SLC5A5: variants seen among roughly 807,000 people sequenced by gnomAD.
SLC5A5 encodes the protein solute carrier family 5 member 5, also known as sodium/iodide cotransporter.
A neutral mutation model predicts 68.6 loss-of-function variants in SLC5A5; 56 were observed. That is an observed-to-expected ratio of 0.82 (90% CI 0.66 to 1.02). The LOEUF is 1.02. SLC5A5 is among the 50% of genes least tolerant of loss of function. The pLI is 0.00. For synonymous variants in SLC5A5, 398 were observed against 373.0 expected, an observed-to-expected ratio of 1.07 and a Z score of -0.77; for missense variants, 807 against 859.8, an observed-to-expected ratio of 0.94 and a Z score of 0.77.
intron 4 of SLC5A5, 75 bp downstream of exon 4, chr19:17,874,806 GC>G: frequency 7.0e-7 from 1 of 1,437,528 alleles, no homozygotes; most frequent in Non-Finnish European, 9.7e-7. Flanking sequence ...CTCTGGGCTT[GC>G]CCCTTTCTCC....
Position 17,877,725 on chromosome 19 carries a change from T to G in SLC5A5, c.701T>G (p.Phe234Cys), listed in dbSNP as rs1334791684. 6.2e-7 allele frequency: 1 copy of G among 1,614,078 alleles called. No homozygotes were observed. Among genetic ancestry groups the G allele is most frequent in the South Asian group, 1.1e-5 (1 of 91,076 alleles). Reference protein sequence around the residue: ...QNHSRINLMDFNPDPRSRYTF... With the variant: ...QNHSRINLMDCNPDPRSRYTF... ...TAACTTGCCCTGTCCCCACCCAGCTTTAACCCTGACCCGAGGAGCCGCTAT... is the reference window on the plus strand; with the variant it reads ...TAACTTGCCCTGTCCCCACCCAGCTGTAACCCTGACCCGAGGAGCCGCTAT... The change falls in exon 6 of 15, where the codon TTT (phenylalanine) becomes TGT (cysteine). Residue 234 changes from phenylalanine (F) to cysteine (C), a missense_variant and splice_region_variant. Coordinates refer to ENST00000222248, the MANE Select transcript of SLC5A5 (RefSeq NM_000453.3).
In SLC5A5 at chr19:17,884,062, G is replaced by C; in HGVS notation, c.1526+16G>C. 1.3e-6 allele frequency: 2 copies of C among 1,547,576 alleles called. No homozygotes were observed. Among genetic ancestry groups the C allele is most frequent in the Non-Finnish European group, 1.7e-6 (2 of 1,148,652 alleles). On this transcript the variant is annotated intron_variant, in intron 12 of 14. Coordinates refer to ENST00000222248, the MANE Select transcript of SLC5A5 (RefSeq NM_000453.3). ...GGGCCCCCAGGTGAGCAGACTTGAG[G>C]GTAGGGGGGTACCCGAGCCCTGGAT...
rs1238963410 is a variant in SLC5A5 at position 17,894,877 on chromosome 19, G to T, written c.*1000G>T. The T allele has an allele frequency of 6.6e-6, 1 of 152,198 alleles. No individual in the cohort carries two copies. The highest frequency in any genetic ancestry group is 2.4e-5 in the African/African-American group (1 of 41,434). The allele number at this position is 152,198 out of a possible 1,614,324, so 9.4% of individuals were successfully genotyped here. On this transcript the variant is annotated 3_prime_UTR_variant, in exon 15 of 15. Transcript: ENST00000222248. ...GCAGGTGTAACTGGTTAAATTAAAAGAGGTATTACTGGAGGAGGATGGATG... is the reference window on the plus strand; with the variant it reads ...GCAGGTGTAACTGGTTAAATTAAAATAGGTATTACTGGAGGAGGATGGATG...
intron 12 of SLC5A5, among the ~76,000 whole-genome samples, chr19:17,885,169 G>T (rs186502171): frequency 2.6e-5 from 4 of 151,306 alleles, no homozygotes; most frequent in African/African-American, 9.7e-5. Context: ...ATCATGTCCT[G>T]CTTGTTTTTA....
intron 12 of SLC5A5, among the ~76,000 whole-genome samples, 168 bp downstream of exon 12, chr19:17,884,214 G>A (rs1386462148): frequency 6.6e-6 from 1 of 152,232 alleles, no homozygotes; most frequent in Non-Finnish European, 1.5e-5. Flanking sequence ...GTTAGTCCCA[G>A]TCCAACTGCA....
At chr19:17,882,336 AT>A in intron 10 of SLC5A5, 117 bp downstream of exon 10, 1 of 785,364 alleles carries the variant, frequency 1.3e-6, no homozygotes, top group East Asian at 2.7e-5. Context: ...ACTCACTTCT[AT>A]GTTTTTTTTT....
chr19:17,872,163 G>C lies in SLC5A5; in HGVS notation c.-157G>C, dbSNP rs2094295592. 1 of 611,554 alleles carries C rather than the reference G, an allele frequency of 1.6e-6. No homozygotes were observed. The allele number at this position is 611,554 out of a possible 1,614,324, so 37.9% of individuals were successfully genotyped here. A position where few individuals can be genotyped will look rare whatever the true frequency, so the allele number is the denominator to read the frequency against. On this transcript the variant is annotated 5_prime_UTR_variant, in exon 1 of 15. Transcript: ENST00000222248. ...TAGATTCCTAACCCAGGGAGCCCCG[G>C]CCCCTCTCGCCGCTTCCCACCCCAG...
intron 10 of SLC5A5, 144 bp from the exon 11 acceptor site, chr19:17,883,537 C>T (rs2094325853): frequency 2.6e-6 from 2 of 755,424 alleles, no homozygotes; most frequent in South Asian, 2.9e-5. Flanking sequence ...GGGGGGTCCT[C>T]TCCCCTTTAG....
At chr19:17,880,589 G>A (rs187342893) in intron 7 of SLC5A5, among the ~76,000 whole-genome samples, 102 of 152,306 alleles carry the variant, frequency 6.7e-4, no homozygotes, top group African/African-American at 2.4e-3. Flanking sequence ...CTCAGCTACT[G>A]GGGGACTGAA....
Position 17,874,520 on chromosome 19 carries a change from C to T in SLC5A5, c.450C>T (p.Tyr150=), listed in dbSNP as rs1568418921. The T allele has an allele frequency of 5.6e-6, 9 of 1,614,036 alleles. No homozygotes were observed. Among genetic ancestry groups the T allele is most frequent in the Non-Finnish European group, 7.6e-6 (9 of 1,180,000 alleles). The change falls in exon 3 of 15, where the codon TAC becomes TAT. Residue 150 remains tyrosine (Y), a synonymous_variant. Coordinates refer to ENST00000222248, the MANE Select transcript of SLC5A5 (RefSeq NM_000453.3). The part of the protein sequence containing the change: ...ATMLYTGIVI[Y]APALILNQVT... ...TGCTGTACACCGGCATCGTAATCTA[C>T]GCACCGGCCCTCATCCTGAACCAAG... is the stretch of plus-strand genomic sequence containing the variant.
At position 17,888,435 on chromosome 19, in the gene SLC5A5, C is replaced by A. The variant is rs2030012081; in HGVS notation, c.1631C>A (p.Ala544Asp). Reference protein sequence around the residue: ...LGTLTTVLCGALISCLTGPTK... With the variant: ...LGTLTTVLCGDLISCLTGPTK... The stretch of plus-strand genomic sequence containing the variant: ...ACGCTGACCACTGTGCTGTGCGGAG[C>A]CCTCATCAGCTGCCTGACAGGTAGG... Residue 544 changes from alanine (A) to aspartate (D), a missense_variant, in exon 13 of 15, where the codon GCC becomes GAC. By Grantham distance (126) the Ala-to-Asp change is moderately radical. Transcript: ENST00000222248. 6.2e-7 allele frequency: 1 copy of A among 1,613,760 alleles called. No individual in the cohort carries two copies. Among genetic ancestry groups the A allele is most frequent in the African/African-American group, 1.3e-5 (1 of 74,974 alleles).
chr19:17,894,136 T>A lies in SLC5A5; in HGVS notation c.*259T>A. The A allele has an allele frequency of 2.4e-6, 1 of 420,218 alleles. No homozygotes were observed. Among genetic ancestry groups the A allele is most frequent in the Non-Finnish European group, 4.3e-6 (1 of 234,688 alleles). The allele number at this position is 420,218 out of a possible 1,614,324, so 26.0% of individuals were successfully genotyped here. On this transcript the variant is annotated 3_prime_UTR_variant, in exon 15 of 15. Transcript: ENST00000222248. ...CCCCCCAAATAAGGCTGGGTTTTTC[T>A]CTCTCTCTTTTTTTTTTTTTTTTTT...
chr19:17,879,018 C>G (rs114255010), intron 7 of SLC5A5, among the ~76,000 whole-genome samples: 7 of 141,996 alleles, frequency 4.9e-5, no homozygotes, highest in African/African-American at 2.0e-4. Flanking sequence ...CAAGGCTGGG[C>G]GCGGTGGCTT....
chr19:17,890,991 A>G lies in SLC5A5; in HGVS notation c.1757A>G (p.Asn586Ser), dbSNP rs1405678476. ...PKEEVAILDD[N>S]LVKGPEELPT... ...GAAGAAGTGGCCATCCTGGATGACAACTTGGTCAAGGTCAGTCTTAGGCTG... is the reference window on the plus strand; with the variant it reads ...GAAGAAGTGGCCATCCTGGATGACAGCTTGGTCAAGGTCAGTCTTAGGCTG... Residue 586 changes from asparagine (N) to serine (S), a missense_variant, in exon 14 of 15, where the codon AAC becomes AGC. Coordinates refer to ENST00000222248, the MANE Select transcript of SLC5A5 (RefSeq NM_000453.3). 7.5e-6 allele frequency: 12 copies of G among 1,610,280 alleles called. No homozygotes were observed. The East Asian group carries it at 8.9e-5, about 12-fold the overall frequency.
chr19:17,883,910 A>G lies in SLC5A5; in HGVS notation c.1390A>G (p.Thr464Ala). 3 of 1,568,212 alleles carry G rather than the reference A, an allele frequency of 1.9e-6. No individual in the cohort carries two copies. The highest frequency in any genetic ancestry group is 2.6e-6 in the Non-Finnish European group (3 of 1,158,188). Residue 464 changes from threonine (T) to alanine (A), a missense_variant, in exon 12 of 15, where the codon ACG becomes GCG. Transcript: ENST00000222248. ...GTCGCTGTGGGTGGCCTTGGGCGCCACGCTGTACCCACCCAGCGAGCAGAC... is the reference window on the plus strand; with the variant it reads ...GTCGCTGTGGGTGGCCTTGGGCGCCGCGCTGTACCCACCCAGCGAGCAGAC... The part of the protein sequence containing the change: ...ALSLWVALGA[T>A]LYPPSEQTMR...
chr19:17,891,406 A>G (rs1226334649), intron 14 of SLC5A5, among the ~76,000 whole-genome samples: 1 of 151,868 alleles, frequency 6.6e-6, no homozygotes, highest in African/African-American at 2.4e-5. Flanking sequence ...GGGTTTCACC[A>G]TGTTGCCCAG....
At chr19:17,882,517 C>CTTT (rs745349830) in intron 10 of SLC5A5, among the ~76,000 whole-genome samples, 4 of 128,152 alleles carry the variant, frequency 3.1e-5, no homozygotes, top group Non-Finnish European at 5.0e-5. Flanking sequence ...TTTCTTTTTT[C>CTTT]TTTTTTTTTT....
At chr19:17,885,678 G>T (rs2094331587) in intron 12 of SLC5A5, among the ~76,000 whole-genome samples, 1 of 151,930 alleles carries the variant, frequency 6.6e-6, no homozygotes, top group Non-Finnish European at 1.5e-5. Flanking sequence ...ACTGTTCCTG[G>T]TCATAAGAAC....
rs1400428048 is a variant in SLC5A5 at position 17,882,023 on chromosome 19, G to C, written c.1122G>C (p.Arg374=). Residue 374 remains arginine (R), a synonymous_variant, in exon 9 of 15, where the codon CGG becomes CGC. Coordinates refer to ENST00000222248, the MANE Select transcript of SLC5A5 (RefSeq NM_000453.3). ...AVTVEDLIKP[R]LRSLAPRKLV... Reference sequence around the variant, plus strand: ...CTGTAGAAGACCTCATCAAACCTCGGCTGCGGAGCCTGGCACCCAGGAAAC... The same window carrying C: ...CTGTAGAAGACCTCATCAAACCTCGCCTGCGGAGCCTGGCACCCAGGAAAC... 1.7e-5 allele frequency: 27 copies of C among 1,614,086 alleles called. No homozygotes were observed. Among genetic ancestry groups the C allele is most frequent in the Non-Finnish European group, 2.2e-5 (26 of 1,180,044 alleles).
Sources: gnomAD v4.1 joint callset for allele counts (sites outside exome capture counted in the v4.1 genomes callset) on GRCh38, gnomAD v4.1.1 for gene constraint, MANE v1.5 for transcripts, NCBI Gene and HGNC (gene_info 2026-07-23, HGNC 2026-07-21) for gene names.